The following PRKCE variants were observed in gnomAD, a reference collection of about 807,000 sequenced individuals.
PRKCE encodes the protein protein kinase C epsilon type.
In PRKCE, 16 loss-of-function variants were observed where a neutral mutation model predicts 85.4. The observed-to-expected ratio is 0.19, with a 90% CI of 0.13 to 0.28. The LOEUF (loss-of-function observed/expected upper bound fraction) is 0.28. Ranked by LOEUF, PRKCE falls within the 10% of genes least tolerant of loss-of-function variation. PRKCE has a pLI of 1.00. For synonymous variants in PRKCE, 388 were observed against 371.5 expected, an observed-to-expected ratio of 1.04 and a Z score of -0.51; for missense variants, 573 against 975.2, an observed-to-expected ratio of 0.59 and a Z score of 5.49.
At chr2:45,921,879 G>T (rs1236890155) in intron 2 of PRKCE, among the ~76,000 whole-genome samples, 1 of 152,140 alleles carries the variant, frequency 6.6e-6, no homozygotes, top group African/African-American at 2.4e-5. Flanking sequence ...ATAAATGGAG[G>T]CAGTCAACTG....
At chr2:45,655,806 G>A (rs987180551) in intron 1 of PRKCE, among the ~76,000 whole-genome samples, 4 of 140,726 alleles carry the variant, frequency 2.8e-5, no homozygotes, top group South Asian at 2.3e-4. Context: ...ATCAGGCCAC[G>A]GCATTCCAGC....
intron 1 of PRKCE, among the ~76,000 whole-genome samples, chr2:45,739,399 T>A (rs1377293606): frequency 6.6e-6 from 1 of 152,226 alleles, no homozygotes; most frequent in Non-Finnish European, 1.5e-5. Flanking sequence ...AGCTGTTGAC[T>A]CAGTCGCAAA....
intron 5 of PRKCE, 146 bp downstream of exon 5, chr2:45,980,527 C>A (rs921528287): frequency 1.3e-6 from 1 of 754,504 alleles, no homozygotes; most frequent in Non-Finnish European, 2.2e-6. Flanking sequence ...GAGCTGTCCA[C>A]GGTCTTCTGG....
intron 11 of PRKCE, among the ~76,000 whole-genome samples, chr2:46,134,083 A>AT (rs1478660902): frequency 2.6e-5 from 4 of 152,188 alleles, no homozygotes; most frequent in African/African-American, 9.7e-5. Context: ...AGTTTTAATA[A>AT]TTTTCAATAA....
At chr2:45,675,836 G>A (rs1349175107) in intron 1 of PRKCE, among the ~76,000 whole-genome samples, 1 of 152,184 alleles carries the variant, frequency 6.6e-6, no homozygotes, top group Non-Finnish European at 1.5e-5. Flanking sequence ...TTTGGTGAGA[G>A]GTGGCCTTCC....
intron 10 of PRKCE, among the ~76,000 whole-genome samples, chr2:46,065,747 A>C (rs1450649800): frequency 6.6e-6 from 1 of 152,168 alleles, no homozygotes; most frequent in Non-Finnish European, 1.5e-5. Flanking sequence ...AATTATCCTA[A>C]AATATCTTTA....
At chr2:46,166,628 C>T (rs1678362816) in intron 14 of PRKCE, among the ~76,000 whole-genome samples, 2 of 152,220 alleles carry the variant, frequency 1.3e-5, no homozygotes, top group Non-Finnish European at 2.9e-5. Flanking sequence ...CACCCCTGGA[C>T]CTCTGGCTTC....
intron 1 of PRKCE, among the ~76,000 whole-genome samples, chr2:45,702,211 A>G (rs1678705764): frequency 6.6e-6 from 1 of 152,148 alleles, no homozygotes; most frequent in South Asian, 2.1e-4. Context: ...ACAACAAAAA[A>G]CAATACAAAG....
intron 10 of PRKCE, among the ~76,000 whole-genome samples, chr2:46,036,404 C>T (rs1330060538): frequency 6.6e-6 from 1 of 152,006 alleles, no homozygotes; most frequent in Admixed American, 6.5e-5. Flanking sequence ...TAGTGAGACC[C>T]CTATTTCCAC....
intron 10 of PRKCE, among the ~76,000 whole-genome samples, chr2:46,018,435 C>T (rs986770875): frequency 6.6e-6 from 1 of 152,176 alleles, no homozygotes; most frequent in Non-Finnish European, 1.5e-5. Flanking sequence ...CCGCCACTGC[C>T]CTCCAGCCTG....
chr2:45,672,064 CAA>C (rs3068989), intron 1 of PRKCE, among the ~76,000 whole-genome samples: 2,272 of 95,324 alleles, frequency 0.024, 33 homozygotes, highest in East Asian at 0.13. Context: ...CCCCCTGTCT[CAA>C]AAAAAAAAAA....
rs949251999 is a variant in PRKCE at position 46,137,628 on chromosome 2, T to C, written c.1593-7465T>C. ...AAAAAAAAAAAGATCTGGACAGTAG[T>C]GGTGCATGCCTGTAATCCCAGCAAC... On this transcript the variant is annotated intron_variant, in intron 11 of 14. Transcript: ENST00000306156. Among the ~76,000 whole-genome samples, 13 of 149,282 alleles carry C rather than the reference T, an allele frequency of 8.7e-5. No homozygotes were observed. In the South Asian group the frequency reaches 2.8e-3, roughly 32 times the overall value.
chr2:45,840,650 C>A (rs558934185), intron 1 of PRKCE: 1 of 152,176 alleles, frequency 6.6e-6, no homozygotes, highest in African/African-American at 2.4e-5. Context: ...TCACCAGGGG[C>A]CTCTCCCACG....
In PRKCE at chr2:45,774,684, C is replaced by G. The variant is rs1045874513; in HGVS notation, c.349-68316C>G. Among the ~76,000 whole-genome samples the G allele has an allele frequency of 6.6e-6, 1 of 152,140 alleles. No individual in the cohort carries two copies. Among genetic ancestry groups the G allele is most frequent in the South Asian group, 2.1e-4 (1 of 4,816 alleles). On this transcript the variant is annotated intron_variant, in intron 1 of 14. Coordinates refer to ENST00000306156, the MANE Select transcript of PRKCE (RefSeq NM_005400.3). This position sits in a 1 kb window ranked among gnomAD's most constrained non-coding sequence, Gnocchi z 4.3. The stretch of plus-strand genomic sequence containing the variant: ...GACAGACAGGCTGTGGTCTGTGAGA[C>G]TACCTGATTTCCCACCTTGCCTTCT...
chr2:45,807,377 C>T (rs1179030527), intron 1 of PRKCE, among the ~76,000 whole-genome samples: 1 of 152,170 alleles, frequency 6.6e-6, no homozygotes. Flanking sequence ...TGCTGATGGC[C>T]CAGAATCATG....
intron 2 of PRKCE, among the ~76,000 whole-genome samples, chr2:45,928,371 A>G (rs774688418): frequency 1.3e-5 from 2 of 152,210 alleles, no homozygotes; most frequent in Non-Finnish European, 2.9e-5. Context: ...GGGTTGAAGC[A>G]ATTCTCATGC....
chr2:45,983,956 G>C (rs1277359433), intron 5 of PRKCE, among the ~76,000 whole-genome samples: 1 of 48,858 alleles, frequency 2.0e-5, no homozygotes, highest in Non-Finnish European at 4.2e-5. Flanking sequence ...TTTTTTTTTT[G>C]AGACAGAGTC....
intron 1 of PRKCE, among the ~76,000 whole-genome samples, chr2:45,799,563 C>A (rs1345480793): frequency 3.9e-5 from 6 of 151,916 alleles, no homozygotes; most frequent in Non-Finnish European, 1.5e-5. Flanking sequence ...GACCCTGTCT[C>A]TAAAAGAAAA....
At chr2:45,654,633 C>A (rs548653202) in intron 1 of PRKCE, among the ~76,000 whole-genome samples, 4 of 152,344 alleles carry the variant, frequency 2.6e-5, no homozygotes, top group African/African-American at 7.2e-5. Context: ...AACTTCATCT[C>A]TTTTGCCTTA....
Sources: gnomAD v4.1 joint callset for allele counts (sites outside exome capture counted in the v4.1 genomes callset) on GRCh38, gnomAD v4.1.1 for gene constraint, Gnocchi (gnomAD v3.1) non-coding constraint, MANE v1.5 for transcripts, NCBI Gene and HGNC (gene_info 2026-07-23, HGNC 2026-07-21) for gene names.